The following MKX variants were observed in gnomAD, a reference collection of about 807,000 sequenced individuals.
The protein encoded by MKX is mohawk homeobox.
Under a neutral mutation model 36.0 loss-of-function variants are expected in MKX, and 13 were observed. That is an observed-to-expected ratio of 0.36 (90% CI 0.24 to 0.57). The LOEUF is 0.57. MKX is among the 20% of genes least tolerant of loss of function. The pLI, the probability that MKX is intolerant of heterozygous loss-of-function variation, is 0.79. For synonymous variants in MKX, 176 were observed against 178.3 expected (o/e 0.99, Z 0.10); for missense variants, 458 against 456.4 (o/e 1.00, Z -0.03).
At chr10:27,738,169 A>AAT (rs1312485889) in intron 3 of MKX, among the ~76,000 whole-genome samples, 4 of 151,960 alleles carry the variant, frequency 2.6e-5, no homozygotes, top group Non-Finnish European at 5.9e-5. Flanking sequence ...CCAATCTGGT[A>AAT]ATATATATAT....
intron 5 of MKX, among the ~76,000 whole-genome samples, chr10:27,714,678 A>C (rs1323175471): frequency 6.6e-6 from 1 of 152,240 alleles, no homozygotes; most frequent in Admixed American, 6.5e-5. Context: ...TCTGGTTAAC[A>C]TGAAATGTAA....
In MKX at chr10:27,675,316, C is replaced by G; in HGVS notation, c.972G>C (p.Leu324=). The change falls in exon 7 of 7, where the codon CTG becomes CTC. Residue 324 remains leucine (L), a synonymous_variant. Coordinates refer to ENST00000419761, the MANE Select transcript of MKX (RefSeq NM_173576.3). Reference sequence around the variant, plus strand: ...GGATGATGCAGCTGGTAGTTCCCTGCAGTTTGTCCTTTCCCTGTGCAAGAT... The same window carrying G: ...GGATGATGCAGCTGGTAGTTCCCTGGAGTTTGTCCTTTCCCTGTGCAAGAT... The part of the protein sequence containing the change: ...LTNLAQGKDK[L]QGTTSCIIQK... 6.2e-7 allele frequency: 1 copy of G among 1,614,222 alleles called. No homozygotes were observed.
intron 5 of MKX, among the ~76,000 whole-genome samples, chr10:27,720,010 A>G (rs550848510): frequency 1.2e-3 from 189 of 151,506 alleles, no homozygotes; most frequent in African/African-American, 4.2e-3. Context: ...GAGAGAGAGA[A>G]AAAGTTGATT....
intron 5 of MKX, among the ~76,000 whole-genome samples, chr10:27,687,343 A>G (rs1377847139): frequency 6.6e-6 from 1 of 152,162 alleles, no homozygotes; most frequent in Non-Finnish European, 1.5e-5. Flanking sequence ...AGAGCTCCCT[A>G]GTTAAAATGG....
chr10:27,727,470 A>G (rs1334585433), intron 5 of MKX, among the ~76,000 whole-genome samples: 3 of 152,278 alleles, frequency 2.0e-5, no homozygotes, highest in Non-Finnish European at 2.9e-5. Flanking sequence ...GAAGCCAGAA[A>G]GAAATGTAAT....
At chr10:27,709,596 G>A (rs567280217) in intron 5 of MKX, among the ~76,000 whole-genome samples, 1 of 152,342 alleles carries the variant, frequency 6.6e-6, no homozygotes, top group African/African-American at 2.4e-5. Flanking sequence ...CCACATGTGT[G>A]AGTGGCCATG....
intron 5 of MKX, among the ~76,000 whole-genome samples, chr10:27,691,144 C>T (rs1201626876): frequency 6.6e-6 from 1 of 152,100 alleles, no homozygotes; most frequent in Non-Finnish European, 1.5e-5. Flanking sequence ...TCTTTATAGC[C>T]ATGTGAGAAT....
chr10:27,714,850 A>G (rs994459830), intron 5 of MKX, among the ~76,000 whole-genome samples: 2 of 152,230 alleles, frequency 1.3e-5, no homozygotes, highest in African/African-American at 4.8e-5. Flanking sequence ...GAATGTATCT[A>G]TTCTGAAAAT....
chr10:27,696,062 T>C (rs1187544385), intron 5 of MKX, among the ~76,000 whole-genome samples: 3 of 152,194 alleles, frequency 2.0e-5, no homozygotes, highest in Non-Finnish European at 2.9e-5. Flanking sequence ...TTGCTTATCT[T>C]GAATTAAACA....
intron 5 of MKX, among the ~76,000 whole-genome samples, chr10:27,713,915 G>GT (rs1366460884): frequency 6.8e-6 from 1 of 147,656 alleles, no homozygotes; most frequent in East Asian, 2.0e-4. Context: ...GAGTTTCACT[G>GT]TGTTCTAGCC....
chr10:27,724,658 G>A lies in MKX; in HGVS notation c.838+9798C>T, dbSNP rs1309575706. ...CCTGGTAATAACTTCAATGTCTCCAGTGTTATGTACAAGGCAGAGGGGAGA... is the reference window on the plus strand; with the variant it reads ...CCTGGTAATAACTTCAATGTCTCCAATGTTATGTACAAGGCAGAGGGGAGA... On this transcript the variant is annotated intron_variant, in intron 5 of 6. Transcript: ENST00000419761. Among the ~76,000 whole-genome samples the A allele has an allele frequency of 2.6e-5, 4 of 151,918 alleles. No homozygotes were observed. In the South Asian group the frequency reaches 8.3e-4, roughly 32 times the overall value.
At chr10:27,719,994 A>AGAG (rs60663563) in intron 5 of MKX, among the ~76,000 whole-genome samples, 2 of 147,148 alleles carry the variant, frequency 1.4e-5, no homozygotes, top group South Asian at 2.2e-4. Flanking sequence ...AAAAAAAAAA[A>AGAG]AGAGAGAGAG....
chr10:27,719,033 T>G (rs548181675), intron 5 of MKX, among the ~76,000 whole-genome samples: 1 of 152,224 alleles, frequency 6.6e-6, no homozygotes, highest in Non-Finnish European at 1.5e-5. Context: ...GTCTGTGTTA[T>G]AGAATTACCC....
intron 5 of MKX, among the ~76,000 whole-genome samples, chr10:27,689,555 G>T (rs1294508818): frequency 6.6e-6 from 1 of 152,096 alleles, no homozygotes; most frequent in Non-Finnish European, 1.5e-5. Flanking sequence ...TCTGCTGATG[G>T]TATCGAAGGG....
At chr10:27,706,060 A>G (rs1280118786) in intron 5 of MKX, among the ~76,000 whole-genome samples, 1 of 151,954 alleles carries the variant, frequency 6.6e-6, no homozygotes, top group Non-Finnish European at 1.5e-5. Flanking sequence ...GCCCTGAGTG[A>G]CCACCATTTT....
At chr10:27,700,051 G>A (rs566982393) in intron 5 of MKX, among the ~76,000 whole-genome samples, 22 of 152,252 alleles carry the variant, frequency 1.4e-4, no homozygotes, top group African/African-American at 5.1e-4. Context: ...ATGACATTTG[G>A]CCTCCATAAT....
chr10:27,735,782 C>T (rs1034027734), intron 3 of MKX, among the ~76,000 whole-genome samples: 2 of 152,058 alleles, frequency 1.3e-5, no homozygotes, highest in Non-Finnish European at 2.9e-5. Context: ...TTAAGTGAGC[C>T]TTTGAAGAAA....
intron 5 of MKX, among the ~76,000 whole-genome samples, chr10:27,719,092 T>C (rs1249270544): frequency 6.6e-6 from 1 of 152,210 alleles, no homozygotes; most frequent in East Asian, 1.9e-4. Context: ...TCTCGAAATC[T>C]CATTAAATTG....
At chr10:27,675,630 T>C in intron 5 of MKX, 76 bp from the exon 6 acceptor site, 1 of 1,372,062 alleles carries the variant, frequency 7.3e-7, no homozygotes, top group Non-Finnish European at 1.0e-6. Context: ...TCATCACTAA[T>C]GACCAGAAGT....
Sources: gnomAD v4.1 joint callset for allele counts (sites outside exome capture counted in the v4.1 genomes callset) on GRCh38, gnomAD v4.1.1 for gene constraint, MANE v1.5 for transcripts, NCBI Gene and HGNC (gene_info 2026-07-23, HGNC 2026-07-21) for gene names.